Variants in APP observed in about 807,000 individuals in gnomAD.
APP encodes the protein amyloid beta precursor protein.
APP carries 31 observed loss-of-function variants against 101.4 expected under a neutral mutation model. That is an observed-to-expected ratio of 0.31 (90% CI 0.23 to 0.41). The LOEUF is 0.41. Ranked by LOEUF, APP falls within the 10% of genes least tolerant of loss-of-function variation. The pLI is 1.00. For synonymous variants in APP, 366 were observed against 364.4 expected (o/e 1.00, Z -0.05); for missense variants, 839 against 1,003.7 (o/e 0.84, Z 2.22).
intron 17 of APP, among the ~76,000 whole-genome samples, chr21:25,886,543 G>A (rs1039787504): frequency 2.6e-5 from 4 of 152,072 alleles, no homozygotes; most frequent in Non-Finnish European, 4.4e-5. Context: ...ACAGGCGCAT[G>A]CCACCACGCC....
intron 11 of APP, among the ~76,000 whole-genome samples, chr21:25,959,527 G>C (rs2041486838): frequency 6.6e-6 from 1 of 152,218 alleles, no homozygotes; most frequent in Admixed American, 6.5e-5. Context: ...TGACTTTCTA[G>C]TTTTTACAAG....
intron 13 of APP, among the ~76,000 whole-genome samples, chr21:25,925,241 T>C (rs2039837179): frequency 6.6e-6 from 1 of 152,154 alleles, no homozygotes; most frequent in Non-Finnish European, 1.5e-5. Context: ...AATTTTCCAA[T>C]CAGCAGTTCT....
intron 14 of APP, 60 bp from the exon 15 acceptor site, chr21:25,905,137 TG>T: frequency 6.9e-7 from 1 of 1,442,880 alleles, no homozygotes; most frequent in Non-Finnish European, 9.7e-7. Flanking sequence ...TGGTAAGTCG[TG>T]GCTCCCAAAC....
chr21:26,125,226 G>A (rs936893500), intron 1 of APP, among the ~76,000 whole-genome samples: 1 of 152,162 alleles, frequency 6.6e-6, no homozygotes, highest in African/African-American at 2.4e-5. Context: ...GCAAGCAAGA[G>A]CAGCATCCCA....
chr21:26,098,537 G>C (rs977147788), intron 2 of APP, among the ~76,000 whole-genome samples: 1 of 152,134 alleles, frequency 6.6e-6, no homozygotes, highest in Admixed American at 6.6e-5. Flanking sequence ...ATGGAGAACC[G>C]AAAAGTCCCT....
At chr21:25,916,279 C>G (rs764340162) in intron 13 of APP, among the ~76,000 whole-genome samples, 1 of 152,046 alleles carries the variant, frequency 6.6e-6, no homozygotes, top group Non-Finnish European at 1.5e-5. Context: ...TGGGATGAGG[C>G]GGGAGCCACT....
intron 1 of APP, among the ~76,000 whole-genome samples, chr21:26,163,896 C>T (rs2063550973): frequency 6.6e-6 from 1 of 152,304 alleles, no homozygotes; most frequent in Admixed American, 6.5e-5. Context: ...AATTAAACAG[C>T]AGATCACTAT....
intron 13 of APP, among the ~76,000 whole-genome samples, chr21:25,916,301 TC>T (rs1449134753): frequency 6.6e-6 from 1 of 152,070 alleles, no homozygotes; most frequent in Admixed American, 6.6e-5. Context: ...CGCCTGGCCG[TC>T]AGTGTAGTTT....
intron 3 of APP, among the ~76,000 whole-genome samples, chr21:26,086,002 A>G (rs975075933): frequency 1.3e-5 from 2 of 152,196 alleles, no homozygotes; most frequent in East Asian, 3.9e-4. Flanking sequence ...CTTTGCCCCA[A>G]TAATTCAACA....
intron 13 of APP, chr21:25,937,865 G>C (rs2040420914): frequency 6.6e-6 from 1 of 152,250 alleles, no homozygotes; most frequent in Non-Finnish European, 1.5e-5. Flanking sequence ...CAACTCCTGG[G>C]CTCAAGTGAT....
chr21:26,126,039 G>T (rs544351216), intron 1 of APP, among the ~76,000 whole-genome samples: 3 of 152,162 alleles, frequency 2.0e-5, no homozygotes, highest in African/African-American at 7.2e-5. Context: ...TCTATATCTC[G>T]CCCTTGGGCA....
At chr21:25,944,856 GAAGTAGTT>G (rs2040737058) in intron 13 of APP, among the ~76,000 whole-genome samples, 2 of 152,182 alleles carry the variant, frequency 1.3e-5, no homozygotes, top group South Asian at 4.1e-4. Flanking sequence ...TCCATGCCAG[GAAGTAGTT>G]CCACAGCCAC....
At chr21:26,143,725 G>GT (rs1464227840) in intron 1 of APP, among the ~76,000 whole-genome samples, 2 of 152,128 alleles carry the variant, frequency 1.3e-5, no homozygotes, top group Non-Finnish European at 1.5e-5. Flanking sequence ...CCAAACCCTG[G>GT]TAACACCACC....
At chr21:26,013,199 C>T (rs1403756857) in intron 6 of APP, among the ~76,000 whole-genome samples, 4 of 151,872 alleles carry the variant, frequency 2.6e-5, no homozygotes, top group Admixed American at 2.6e-4. Context: ...CGCCTGTAAT[C>T]CCAGCTACTC....
intron 11 of APP, among the ~76,000 whole-genome samples, chr21:25,965,235 C>T (rs970954192): frequency 6.6e-6 from 1 of 152,192 alleles, no homozygotes; most frequent in African/African-American, 2.4e-5. Context: ...GAAGGCAAAG[C>T]GCACAGTGTT....
At chr21:25,929,389 G>T (rs1166974593) in intron 13 of APP, among the ~76,000 whole-genome samples, 2 of 150,818 alleles carry the variant, frequency 1.3e-5, no homozygotes, top group South Asian at 2.1e-4. Flanking sequence ...AAGAGTAGTG[G>T]TTTTTTTTTA....
At chr21:25,997,591 AG>A (rs1431174165) in intron 7 of APP, among the ~76,000 whole-genome samples, 175 bp from the exon 8 acceptor site, 1 of 152,220 alleles carries the variant, frequency 6.6e-6, no homozygotes, top group Admixed American at 6.5e-5. Context: ...TATTTTCGTA[AG>A]AAGTTAACAT....
intron 16 of APP, among the ~76,000 whole-genome samples, chr21:25,893,731 A>T (rs1013194169): frequency 2.8e-4 from 43 of 152,250 alleles, no homozygotes; most frequent in African/African-American, 1.0e-3. Context: ...TCCATAACAC[A>T]GAAGTGCAAG....
chr21:26,130,740 T>C (rs2062777486), intron 1 of APP, among the ~76,000 whole-genome samples: 1 of 152,352 alleles, frequency 6.6e-6, no homozygotes, highest in East Asian at 1.9e-4. Context: ...AGCACCAATA[T>C]GTGAGCTTCA....
Sources: allele counts gnomAD v4.1 joint callset (sites outside exome capture counted in the v4.1 genomes callset), GRCh38; gene constraint gnomAD v4.1.1; transcripts MANE v1.5; gene names NCBI Gene and HGNC (gene_info 2026-07-23, HGNC 2026-07-21).